Variants in TRIM34 observed in about 807,000 individuals in gnomAD.
The protein encoded by TRIM34 is tripartite motif containing 34.
A neutral mutation model predicts 38.1 loss-of-function variants in TRIM34; 41 were observed. The observed-to-expected ratio is 1.08, with a 90% CI of 0.84 to 1.40. The LOEUF (loss-of-function observed/expected upper bound fraction) is 1.40. Among genes scored for constraint, TRIM34 ranks in the 40% most tolerant of loss-of-function variants. TRIM34 has a pLI of 0.00. For missense variants in TRIM34, 556 were observed against 571.4 expected (o/e 0.97, Z 0.27); for synonymous variants, 200 against 202.5 (o/e 0.99, Z 0.10).
chr11:5,639,354 T>C (rs910789747), intron 4 of TRIM34, among the ~76,000 whole-genome samples: 1 of 151,832 alleles, frequency 6.6e-6, no homozygotes, highest in Non-Finnish European at 1.5e-5. Flanking sequence ...GATATAAAGG[T>C]TGACAAAAAA....
chr11:5,643,114 C>CATATATAT lies in TRIM34; in HGVS notation c.902-25_902-18dup, dbSNP rs113128572. 4.6e-3 allele frequency: 2,253 copies of CATATATAT among 489,456 alleles called. 2 individuals carry two copies. The highest frequency in any genetic ancestry group is 5.0e-3 in the Non-Finnish European group (1,857 of 369,722). 30.3% of individuals were successfully genotyped at this position (489,456 alleles called of 1,614,324 possible). A position where few individuals can be genotyped will look rare whatever the true frequency, so the allele number is the denominator to read the frequency against. Reference sequence around the variant, plus strand: ...TCACACAGATGATTATATTCATATACATATATATATATTTTTTTTTTTCTT... The same window carrying CATATATAT: ...TCACACAGATGATTATATTCATATACATATATATATATATATATATTTTTTTTTTTCTT... On this transcript the variant is annotated intron_variant, in intron 7 of 7. Coordinates refer to ENST00000429814, the MANE Select transcript of TRIM34 (RefSeq NM_021616.6).
At chr11:5,638,773 A>G (rs1016187945) in intron 4 of TRIM34, among the ~76,000 whole-genome samples, 2 of 152,216 alleles carry the variant, frequency 1.3e-5, no homozygotes, top group Non-Finnish European at 2.9e-5. Context: ...TTGTACCTGT[A>G]CAGAATGAAG....
At chr11:5,627,587 GC>G (rs1440198675) in intron 1 of TRIM34, among the ~76,000 whole-genome samples, 4 of 152,170 alleles carry the variant, frequency 2.6e-5, no homozygotes, top group African/African-American at 9.7e-5. Context: ...TTAAAAAATA[GC>G]TTTTTGGAGA....
intron 1 of TRIM34, among the ~76,000 whole-genome samples, chr11:5,627,626 G>T (rs1394188478): frequency 1.3e-5 from 2 of 152,152 alleles, no homozygotes; most frequent in African/African-American, 4.8e-5. Context: ...TACAGCTCTT[G>T]GGGAGAGAGT....
chr11:5,621,770 G>C (rs974583581), upstream of TRIM34, among the ~76,000 whole-genome samples: 3 of 152,146 alleles, frequency 2.0e-5, no homozygotes, highest in African/African-American at 7.2e-5. Context: ...CTTTGAAAAG[G>C]CTAATCAGAA....
chr11:5,621,009 C>A (rs1011966374), upstream of TRIM34, among the ~76,000 whole-genome samples: 3 of 152,132 alleles, frequency 2.0e-5, no homozygotes, highest in African/African-American at 7.2e-5. Context: ...ATCTTGGTGA[C>A]CTTTGGTGGG....
Position 5,632,746 on chromosome 11 carries a change from G to C in TRIM34, c.415G>C (p.Glu139Gln). ...AGTCCTCACGGAGGAAGTATTCAAGGAATGTCAGGTAGGGCCCTAGATGGA... is the reference window on the plus strand; with the variant it reads ...AGTCCTCACGGAGGAAGTATTCAAGCAATGTCAGGTAGGGCCCTAGATGGA... ...HTVLTEEVFK[E>Q]CQEKLQAVLK... The change falls in exon 2 of 8, where the codon GAA becomes CAA. Residue 139 changes from glutamate (E) to glutamine (Q), a missense_variant. Physicochemically the swap from Glu to Gln is conservative, Grantham distance 29 (BLOSUM62 2). Coordinates refer to ENST00000429814, the MANE Select transcript of TRIM34 (RefSeq NM_021616.6). 6.2e-7 allele frequency: 1 copy of C among 1,602,080 alleles called. No individual in the cohort carries two copies. The highest frequency in any genetic ancestry group is 8.5e-7 in the Non-Finnish European group (1 of 1,171,908).
intron 1 of TRIM34, 100 bp from the exon 2 acceptor site, chr11:5,632,155 G>C: frequency 6.8e-7 from 1 of 1,480,162 alleles, no homozygotes; most frequent in South Asian, 1.4e-5. Context: ...CATCTTCTTT[G>C]TTCTTTGATA....
In TRIM34 at chr11:5,632,510, G is replaced by T. The variant is rs1284287938; in HGVS notation, c.179G>T (p.Gly60Val). 3 of 1,613,982 alleles carry T rather than the reference G, an allele frequency of 1.9e-6. No individual in the cohort carries two copies. The highest frequency in any genetic ancestry group is 2.5e-6 in the Non-Finnish European group (3 of 1,180,004). Residue 60 changes from glycine (G) to valine (V), a missense_variant, in exon 2 of 8, where the codon GGT becomes GTT. Transcript: ENST00000429814. ...GGAAAAAGCAGCTGTCCTGTGTGTG[G>T]TATCAGTTACTCATTTGAACATCTA... ...MGGKSSCPVC[G>V]ISYSFEHLQA...
At chr11:5,636,885 G>A (rs1849756744) in intron 4 of TRIM34, among the ~76,000 whole-genome samples, 2 of 152,136 alleles carry the variant, frequency 1.3e-5, no homozygotes, top group African/African-American at 2.4e-5. Context: ...GGTGGCTCAC[G>A]CCTGTAATCC....
At chr11:5,628,925 C>T (rs568850838) in intron 1 of TRIM34, among the ~76,000 whole-genome samples, 1 of 152,108 alleles carries the variant, frequency 6.6e-6, no homozygotes, top group Admixed American at 6.6e-5. Flanking sequence ...CCCATCTCTG[C>T]CTCTACTGTC....
chr11:5,634,543 A>G (rs1849640251), intron 3 of TRIM34, 88 bp from the exon 4 acceptor site: 2 of 909,594 alleles, frequency 2.2e-6, no homozygotes. Flanking sequence ...ATATATATAT[A>G]TATATTTCCC....
chr11:5,633,946 A>G (rs774396849), intron 3 of TRIM34, 47 bp downstream of exon 3: 6 of 1,602,540 alleles, frequency 3.7e-6, no homozygotes, highest in Non-Finnish European at 5.1e-6. Context: ...TCTTGACAGG[A>G]CCTTAATCCA....
At chr11:5,625,213 T>G (rs1849149939) in intron 1 of TRIM34, among the ~76,000 whole-genome samples, 153 bp downstream of exon 1, 1 of 152,182 alleles carries the variant, frequency 6.6e-6, no homozygotes, top group African/African-American at 2.4e-5. Flanking sequence ...GAGTGCACAC[T>G]GATAGCAGCC....
upstream of TRIM34, among the ~76,000 whole-genome samples, chr11:5,620,404 C>A (rs1002701587): frequency 6.6e-6 from 1 of 151,188 alleles, no homozygotes; most frequent in Non-Finnish European, 1.5e-5. Context: ...GTCTCGAATT[C>A]CTTGGCCAGA....
chr11:5,635,783 T>G (rs1455043412), intron 4 of TRIM34, among the ~76,000 whole-genome samples: 1 of 152,228 alleles, frequency 6.6e-6, no homozygotes, highest in Admixed American at 6.5e-5. Context: ...TTTTTCCTTT[T>G]GTCTTCTTTT....
chr11:5,641,284 C>T lies in TRIM34; in HGVS notation c.773+95C>T. On this transcript the variant is annotated intron_variant, in intron 5 of 7. Coordinates refer to ENST00000429814, the MANE Select transcript of TRIM34 (RefSeq NM_021616.6). ...GGTGGTCAATTGGAATAAAAAATCTCCCAGAGTAGTAAAATTTGGATGTAT... is the reference window on the plus strand; with the variant it reads ...GGTGGTCAATTGGAATAAAAAATCTTCCAGAGTAGTAAAATTTGGATGTAT... 3 of 1,590,498 alleles carry T rather than the reference C, an allele frequency of 1.9e-6. No individual in the cohort carries two copies. The South Asian group carries it at 3.4e-5, about 18-fold the overall frequency.
Position 5,643,125 on chromosome 11 carries a change from A to ATATTTTT in TRIM34, c.902-18_902-17insATTTTTT, listed in dbSNP as rs1554923130. 874 of 974,504 alleles carry ATATTTTT rather than the reference A, an allele frequency of 9.0e-4. 1 individual carries two copies. The highest frequency in any genetic ancestry group is 1.0e-3 in the Non-Finnish European group (788 of 761,792). The allele number at this position is 974,504 out of a possible 1,614,324, so 60.4% of individuals were successfully genotyped here. ...ATTATATTCATATACATATATATATATTTTTTTTTTTCTTGCAGTGGATGT... is the reference window on the plus strand; with the variant it reads ...ATTATATTCATATACATATATATATATATTTTTTTTTTTTTTTTCTTGCAGTGGATGT... On this transcript the variant is annotated intron_variant, in intron 7 of 7. Coordinates refer to ENST00000429814, the MANE Select transcript of TRIM34 (RefSeq NM_021616.6).
chr11:5,621,666 A>G (rs1848995618), upstream of TRIM34, among the ~76,000 whole-genome samples: 1 of 152,310 alleles, frequency 6.6e-6, no homozygotes, highest in South Asian at 2.1e-4. Context: ...CAAATAGAAA[A>G]GTCAAGCTGG....
Sources: allele counts gnomAD v4.1 joint callset (sites outside exome capture counted in the v4.1 genomes callset), GRCh38; gene constraint gnomAD v4.1.1; transcripts MANE v1.5; gene names NCBI Gene and HGNC (gene_info 2026-07-23, HGNC 2026-07-21).